The following DSC3 variants were observed in gnomAD, a reference collection of about 807,000 sequenced individuals.
The protein encoded by DSC3 is desmocollin-3.
In DSC3, 97 loss-of-function variants were observed where a neutral mutation model predicts 89.5. The observed-to-expected ratio is 1.08, with a 90% CI of 0.92 to 1.28. DSC3 has a LOEUF of 1.28. Among genes scored for constraint, DSC3 ranks in the 50% most tolerant of loss-of-function variants. The probability of loss-of-function intolerance (pLI) is 0.00; values close to 1 mark genes in which losing one functional copy is unlikely to be tolerated. For synonymous variants in DSC3, 436 were observed against 384.1 expected (o/e 1.14, Z -1.58); for missense variants, 1,199 against 1,085.3 (o/e 1.10, Z -1.47).
intron 1 of DSC3, among the ~76,000 whole-genome samples, chr18:31,041,634 G>C (rs958794731): frequency 6.6e-5 from 10 of 152,208 alleles, no homozygotes; most frequent in African/African-American, 2.4e-4. Context: ...TCCTTTCTGG[G>C]CGTGCGGAAT....
chr18:30,991,683 A>T lies in DSC3; in HGVS notation c.*2492T>A, dbSNP rs1260722. 97,468 of 151,962 alleles carry T rather than the reference A, an allele frequency of 0.64. 33,434 individuals carry two copies. Among genetic ancestry groups the T allele is most frequent in the African/African-American group, 0.88 (36,374 of 41,468 alleles). 9.4% of individuals were successfully genotyped at this position (151,962 alleles called of 1,614,324 possible). A position where few individuals can be genotyped will look rare whatever the true frequency, so the allele number is the denominator to read the frequency against. On this transcript the variant is annotated 3_prime_UTR_variant, in exon 16 of 16. Transcript: ENST00000360428. ...GCCGTTAGATAAAACTGGCTTCTGG[A>T]TACAGCAGGAAATTTCAGCAACTAG...
intron 9 of DSC3, among the ~76,000 whole-genome samples, chr18:31,014,187 A>T (rs938163326): frequency 6.6e-5 from 10 of 152,056 alleles, no homozygotes; most frequent in African/African-American, 2.4e-4. Flanking sequence ...AAACTTCCAT[A>T]GATATGGAAC....
intron 9 of DSC3, among the ~76,000 whole-genome samples, chr18:31,008,772 T>C (rs1984957920): frequency 1.3e-5 from 2 of 152,170 alleles, no homozygotes; most frequent in Admixed American, 1.3e-4. Context: ...AATATTTTCA[T>C]ATTTCACTCT....
At chr18:31,012,621 A>G (rs1322195239) in intron 9 of DSC3, among the ~76,000 whole-genome samples, 1 of 152,228 alleles carries the variant, frequency 6.6e-6, no homozygotes, top group Non-Finnish European at 1.5e-5. Flanking sequence ...TAGAATAACA[A>G]CCACATGGGC....
At chr18:31,038,669 AT>A (rs1295118966) in intron 1 of DSC3, among the ~76,000 whole-genome samples, 1 of 152,074 alleles carries the variant, frequency 6.6e-6, no homozygotes, top group African/African-American at 2.4e-5. Context: ...TTTTTAAAAA[AT>A]GTTCTTCATA....
chr18:31,013,376 A>C (rs1985134431), intron 9 of DSC3, among the ~76,000 whole-genome samples: 1 of 152,146 alleles, frequency 6.6e-6, no homozygotes, highest in Non-Finnish European at 1.5e-5. Flanking sequence ...AATTTCAGAT[A>C]AAATGCTTTC....
intron 14 of DSC3, among the ~76,000 whole-genome samples, chr18:30,998,608 AG>A (rs1984552761): frequency 6.6e-6 from 1 of 152,216 alleles, no homozygotes; most frequent in African/African-American, 2.4e-5. Context: ...AAAATAAAAA[AG>A]GGCTAAGGAT....
At chr18:31,037,863 A>C (rs1459243225) in intron 1 of DSC3, among the ~76,000 whole-genome samples, 2 of 151,856 alleles carry the variant, frequency 1.3e-5, no homozygotes, top group East Asian at 3.9e-4. Context: ...TCCAGCCTGC[A>C]CTCCAGCCTG....
At position 31,018,789 on chromosome 18, in the gene DSC3, C is replaced by T; in HGVS notation, c.954G>A (p.Lys318=). 1 of 1,613,634 alleles carries T rather than the reference C, an allele frequency of 6.2e-7. No homozygotes were observed. Among genetic ancestry groups the T allele is most frequent in the South Asian group, 1.1e-5 (1 of 91,080 alleles). ...SHYLDREVVD[K]YSLIMKVQDM... is the part of the protein sequence containing the mutation. ...CTTGTACTTTCATTATCAATGAGTACTTGTCTACAACCTGGAAACAAAGCA... is the reference window on the plus strand; with the variant it reads ...CTTGTACTTTCATTATCAATGAGTATTTGTCTACAACCTGGAAACAAAGCA... Residue 318 remains lysine (K), a synonymous_variant, in exon 8 of 16, where the codon AAG becomes AAA. Coordinates refer to ENST00000360428, the MANE Select transcript of DSC3 (RefSeq NM_001941.5).
chr18:31,008,455 C>G lies in DSC3; in HGVS notation c.1334G>C (p.Arg445Thr), dbSNP rs541402215. The part of the protein sequence containing the change: ...IGVNNEAPFA[R>T]DIPRVTALNR... ...CAAGGCTGTCACTCTGGGAATATCT[C>G]TAGCAAATGGCGCTTCATTGTTTAC... The change falls in exon 10 of 16, where the codon AGA (arginine) becomes ACA (threonine). Residue 445 changes from arginine to threonine, a missense_variant. Coordinates refer to ENST00000360428, the MANE Select transcript of DSC3 (RefSeq NM_001941.5). 2 of 1,614,182 alleles carry G rather than the reference C, an allele frequency of 1.2e-6. No homozygotes were observed. The highest frequency in any genetic ancestry group is 1.1e-5 in the South Asian group (1 of 91,090).
intron 15 of DSC3, chr18:30,994,584 TAAAA>T: frequency 9.6e-7 from 1 of 1,043,412 alleles, no homozygotes; most frequent in Non-Finnish European, 1.4e-6. Context: ...TCCATATAAA[TAAAA>T]AATTATGTAT....
intron 1 of DSC3, among the ~76,000 whole-genome samples, chr18:31,035,436 T>C (rs1440481244): frequency 6.6e-6 from 1 of 151,946 alleles, no homozygotes; most frequent in Admixed American, 6.6e-5. Flanking sequence ...AATGAAGTAA[T>C]AAGTCATTTG....
chr18:31,012,833 G>C (rs1985115610), intron 9 of DSC3, among the ~76,000 whole-genome samples: 1 of 152,024 alleles, frequency 6.6e-6, no homozygotes, highest in Non-Finnish European at 1.5e-5. Context: ...GTAAATCCTA[G>C]ACAGAAATTA....
chr18:31,031,473 G>A lies in DSC3; in HGVS notation c.155-301C>T, dbSNP rs149509439. ...AAAGATGTGGGCATGTTATAATCAT[G>A]ACAAAACTGAGCAACATGCCCCCAA... On this transcript the variant is annotated intron_variant, in intron 2 of 15. Transcript: ENST00000360428. Among the ~76,000 whole-genome samples, 852 of 152,152 alleles carry A rather than the reference G, an allele frequency of 5.6e-3. 14 individuals are homozygous for A. The highest frequency in any genetic ancestry group is 0.019 in the African/African-American group (794 of 41,512).
At chr18:31,030,179 T>C (rs1199061529) in intron 3 of DSC3, among the ~76,000 whole-genome samples, 2 of 152,198 alleles carry the variant, frequency 1.3e-5, no homozygotes, top group Non-Finnish European at 2.9e-5. Flanking sequence ...ACATGCCAAG[T>C]GCAGAGTAGC....
In DSC3 at chr18:30,992,443, A is replaced by T. The variant is rs983489518; in HGVS notation, c.*1732T>A. The T allele has an allele frequency of 1.3e-5, 2 of 152,194 alleles. No homozygotes were observed. The highest frequency in any genetic ancestry group is 2.9e-5 in the Non-Finnish European group (2 of 68,048). 9.4% of individuals were successfully genotyped at this position (152,194 alleles called of 1,614,324 possible). ...TCTGTCTCCTTGATTTCTCACTCCA[A>T]ATAAGGTGAGCCATAGAGAAGAGGT... On this transcript the variant is annotated 3_prime_UTR_variant, in exon 16 of 16. Transcript: ENST00000360428.
chr18:31,040,364 C>T (rs1986093079), intron 1 of DSC3, among the ~76,000 whole-genome samples: 1 of 152,078 alleles, frequency 6.6e-6, no homozygotes, highest in Admixed American at 6.6e-5. Flanking sequence ...GACAACTGAT[C>T]TCATGTAAAT....
intron 1 of DSC3, among the ~76,000 whole-genome samples, chr18:31,041,533 A>G (rs530761043): frequency 6.6e-6 from 1 of 152,310 alleles, no homozygotes; most frequent in South Asian, 2.1e-4. Flanking sequence ...CCGCGAGACC[A>G]GACTCGGCTC....
chr18:31,028,837 C>T (rs575769536), intron 4 of DSC3, among the ~76,000 whole-genome samples: 2 of 151,646 alleles, frequency 1.3e-5, no homozygotes, highest in Non-Finnish European at 3.0e-5. Flanking sequence ...GTAGAATGCA[C>T]ATAGTCCATA....
Sources: allele counts gnomAD v4.1 joint callset (sites outside exome capture counted in the v4.1 genomes callset), GRCh38; gene constraint gnomAD v4.1.1; transcripts MANE v1.5; gene names NCBI Gene and HGNC (gene_info 2026-07-23, HGNC 2026-07-21).